Variants in CSPP1 observed in about 807,000 individuals in gnomAD.
The protein encoded by CSPP1 is centrosome and spindle pole-associated protein 1.
Under a neutral mutation model 164.4 loss-of-function variants are expected in CSPP1, and 126 were observed. The ratio of observed to expected loss-of-function variants is 0.77; its 90% CI spans 0.66 to 0.89. CSPP1 has a LOEUF of 0.89. CSPP1 is among the 40% of genes least tolerant of loss of function. The probability of loss-of-function intolerance (pLI) is 0.00; values close to 1 mark genes in which losing one functional copy is unlikely to be tolerated. For missense variants in CSPP1, 1,395 were observed against 1,449.8 expected (o/e 0.96, Z 0.61); for synonymous variants, 472 against 476.7 (o/e 0.99, Z 0.13).
intron 17 of CSPP1, among the ~76,000 whole-genome samples, chr8:67,145,896 G>A (rs536455325): frequency 1.3e-5 from 2 of 152,158 alleles, no homozygotes; most frequent in East Asian, 3.9e-4. Flanking sequence ...GCATTTAAGT[G>A]TGCTACACAT....
At chr8:67,064,970 C>A (rs1449635453) in intron 1 of CSPP1, 1 of 155,868 alleles carries the variant, frequency 6.4e-6, no homozygotes, top group Non-Finnish European at 1.4e-5. Flanking sequence ...ACGACGCTTC[C>A]TAGTCAGCCA....
chr8:67,091,181 T>C (rs1013325018), intron 4 of CSPP1, among the ~76,000 whole-genome samples: 4 of 152,238 alleles, frequency 2.6e-5, no homozygotes, highest in African/African-American at 9.6e-5. Flanking sequence ...TCAGAAAAGT[T>C]AAGTGACTTC....
chr8:67,119,025 G>A (rs1317786026), intron 15 of CSPP1, among the ~76,000 whole-genome samples: 2 of 151,886 alleles, frequency 1.3e-5, no homozygotes, highest in African/African-American at 4.8e-5. Context: ...AAATAATAAT[G>A]GTGTACCTCC....
chr8:67,081,424 G>C (rs1433484383), intron 3 of CSPP1, among the ~76,000 whole-genome samples: 1 of 151,724 alleles, frequency 6.6e-6, no homozygotes, highest in Non-Finnish European at 1.5e-5. Context: ...ACATGATTTA[G>C]TTCATATAAG....
At chr8:67,092,965 T>G (rs972274638) in intron 5 of CSPP1, among the ~76,000 whole-genome samples, 2 of 152,080 alleles carry the variant, frequency 1.3e-5, no homozygotes, top group African/African-American at 4.8e-5. Flanking sequence ...GGGGAGTGGG[T>G]TGGGCATTAG....
chr8:67,137,994 T>C (rs1050138231), intron 17 of CSPP1, among the ~76,000 whole-genome samples: 28 of 152,068 alleles, frequency 1.8e-4, no homozygotes, highest in African/African-American at 6.8e-4. Context: ...TGTAAAACAG[T>C]TTTGGGAGGG....
At chr8:67,133,935 A>G (rs1821742575) in intron 16 of CSPP1, 1 of 152,224 alleles carries the variant, frequency 6.6e-6, no homozygotes, top group Non-Finnish European at 1.5e-5. Context: ...ATCCATTAAA[A>G]TTTTATCATG....
At chr8:67,081,677 T>C (rs1337964029) in intron 3 of CSPP1, among the ~76,000 whole-genome samples, 1 of 152,256 alleles carries the variant, frequency 6.6e-6, no homozygotes, top group Non-Finnish European at 1.5e-5. Context: ...ATTTAAATGC[T>C]CCCATTAATC....
intron 7 of CSPP1, among the ~76,000 whole-genome samples, chr8:67,099,582 A>T (rs1378258594): frequency 6.6e-6 from 1 of 152,118 alleles, no homozygotes; most frequent in Non-Finnish European, 1.5e-5. Context: ...GTTTTCCTTT[A>T]ATGTTGAGAT....
chr8:67,194,761 A>AAAAGT (rs1491559578), intron 30 of CSPP1, among the ~76,000 whole-genome samples: 1 of 152,132 alleles, frequency 6.6e-6, no homozygotes, highest in African/African-American at 2.4e-5. Flanking sequence ...AATAATAAAT[A>AAAAGT]AAAGTAAAAT....
intron 28 of CSPP1, among the ~76,000 whole-genome samples, chr8:67,186,220 T>C (rs1834532810): frequency 1.3e-5 from 2 of 152,218 alleles, no homozygotes; most frequent in Non-Finnish European, 2.9e-5. Context: ...CTGTGTTTGA[T>C]AAATGTTGTC....
intron 5 of CSPP1, among the ~76,000 whole-genome samples, chr8:67,092,467 T>C (rs2129544866): frequency 6.6e-6 from 1 of 152,266 alleles, no homozygotes; most frequent in Middle Eastern, 3.4e-3. Context: ...AGACGAAGTA[T>C]CACCCCGTTG....
intron 1 of CSPP1, among the ~76,000 whole-genome samples, chr8:67,070,887 GGGACTACA>G (rs1403266057): frequency 6.6e-6 from 1 of 151,500 alleles, no homozygotes; most frequent in African/African-American, 2.4e-5. Context: ...CCCAATAGCT[GGGACTACA>G]GGATGCACCA....
intron 24 of CSPP1, among the ~76,000 whole-genome samples, chr8:67,167,035 T>C (rs1279739753): frequency 6.6e-6 from 1 of 152,100 alleles, no homozygotes; most frequent in Non-Finnish European, 1.5e-5. Flanking sequence ...GAGCACCGGG[T>C]TGGGGGTAAG....
chr8:67,102,019 A>C (rs1814228606), intron 7 of CSPP1, among the ~76,000 whole-genome samples: 1 of 152,218 alleles, frequency 6.6e-6, no homozygotes, highest in Admixed American at 6.5e-5. Flanking sequence ...CTAAAAATAA[A>C]ATCAGTGTTT....
chr8:67,118,143 A>T, intron 13 of CSPP1, 105 bp from the exon 14 acceptor site: 1 of 1,166,986 alleles, frequency 8.6e-7, no homozygotes, highest in Non-Finnish European at 1.3e-6. Flanking sequence ...TTTCTAAAGT[A>T]GTGATAGGAT....
intron 28 of CSPP1, among the ~76,000 whole-genome samples, chr8:67,182,962 A>G (rs988617380): frequency 4.6e-5 from 7 of 152,220 alleles, no homozygotes; most frequent in Non-Finnish European, 7.3e-5. Flanking sequence ...CCTTTGATAC[A>G]TAGGAGCTTT....
chr8:67,083,107 C>G (rs1809550707), intron 3 of CSPP1, among the ~76,000 whole-genome samples: 1 of 152,034 alleles, frequency 6.6e-6, no homozygotes, highest in Admixed American at 6.6e-5. Context: ...TTTCTGTTGA[C>G]TAAACATTAA....
intron 21 of CSPP1, among the ~76,000 whole-genome samples, chr8:67,160,191 A>C (rs1828051663): frequency 6.6e-6 from 1 of 150,436 alleles, no homozygotes; most frequent in Admixed American, 6.7e-5. Context: ...CTCACAGATA[A>C]TTTTTTATTG....
Sources: gnomAD v4.1 joint callset for allele counts (sites outside exome capture counted in the v4.1 genomes callset) on GRCh38, gnomAD v4.1.1 for gene constraint, MANE v1.5 for transcripts, NCBI Gene and HGNC (gene_info 2026-07-23, HGNC 2026-07-21) for gene names.